MIDN: variants seen among roughly 807,000 people sequenced by gnomAD.
MIDN encodes the protein midnolin, also known as midbrain nucleolar protein.
In MIDN, 26 loss-of-function variants were observed where a neutral mutation model predicts 46.1. The ratio of observed to expected loss-of-function variants is 0.56; its 90% CI spans 0.41 to 0.78. The LOEUF (loss-of-function observed/expected upper bound fraction) is 0.78, where lower values mean the gene tolerates loss of function less well. Among genes scored for constraint, MIDN ranks in the 30% least tolerant of loss-of-function variants. MIDN has a pLI of 0.00. For synonymous variants in MIDN, 432 were observed against 343.3 expected (o/e 1.26, Z -2.86); for missense variants, 850 against 771.8 (o/e 1.10, Z -1.20).
intron 2 of MIDN, 88 bp from the exon 3 acceptor site, chr19:1,251,474 A>G (rs1461007150): frequency 1.6e-6 from 2 of 1,224,814 alleles, no homozygotes; most frequent in Non-Finnish European, 2.3e-6. Context: ...GTCTCTCCCC[A>G]CACAAGCACA....
At chr19:1,250,781 C>T (rs1201441747) in intron 2 of MIDN, among the ~76,000 whole-genome samples, 1 of 151,830 alleles carries the variant, frequency 6.6e-6, no homozygotes, top group Non-Finnish European at 1.5e-5. Flanking sequence ...GGGCAGGAAT[C>T]CCAGGGCGTT....
Position 1,250,147 on chromosome 19 carries a change from G to A in MIDN, c.-150G>A. 5.4e-6 allele frequency: 1 copy of A among 186,550 alleles called. No homozygotes were observed. Among genetic ancestry groups the A allele is most frequent in the Non-Finnish European group, 1.0e-5 (1 of 99,692 alleles). The allele number at this position is 186,550 out of a possible 1,614,324, so 11.6% of individuals were successfully genotyped here. A position where few individuals can be genotyped will look rare whatever the true frequency, so the allele number is the denominator to read the frequency against. On this transcript the variant is annotated 5_prime_UTR_variant, in exon 2 of 9. Transcript: ENST00000682408. ...TTTGGATTTCGGTCTCGCATTCCGC[G>A]GCCGGGACTTTCTCGAGGAGGACGC...
At position 1,257,517 on chromosome 19, in the gene MIDN, T is replaced by TTCCTCTTCCTCC. The variant is rs2081215240; in HGVS notation, c.*250_*251insTTCCTCCTCCTC. The stretch of plus-strand genomic sequence containing the variant: ...TTCACCCTTCACTCCTGCCCTCCTC[T>TTCCTCTTCCTCC]TCCTCCTCCTCCTCCTCCTCCGTCT... On this transcript the variant is annotated 3_prime_UTR_variant, in exon 9 of 9. Coordinates refer to ENST00000682408, the MANE Select transcript of MIDN (RefSeq NM_001388306.1). 5.0e-6 allele frequency: 2 copies of TTCCTCTTCCTCC among 401,872 alleles called. No individual in the cohort carries two copies. The highest frequency in any genetic ancestry group is 9.7e-5 in the East Asian group (2 of 20,668). The allele number at this position is 401,872 out of a possible 1,614,324, so 24.9% of individuals were successfully genotyped here.
intron 4 of MIDN, 69 bp from the exon 5 acceptor site, chr19:1,253,885 C>A (rs1488482063): frequency 4.6e-6 from 6 of 1,313,604 alleles, no homozygotes; most frequent in Non-Finnish European, 4.9e-6. Context: ...CCTCAGTTTC[C>A]CCTTGCAAGA....
At position 1,250,067 on chromosome 19, in the gene MIDN, C is replaced by T. The variant is rs1340822211; in HGVS notation, c.-230C>T. The T allele has an allele frequency of 6.6e-6, 1 of 151,910 alleles. No individual in the cohort carries two copies. The highest frequency in any genetic ancestry group is 2.4e-5 in the African/African-American group (1 of 41,350). 9.4% of individuals were successfully genotyped at this position (151,910 alleles called of 1,614,324 possible). A position where few individuals can be genotyped will look rare whatever the true frequency, so the allele number is the denominator to read the frequency against. ...TTTGAAGGAGAAGCAAGTGCCGTCC[C>T]CACCCCCGGAAGGCGCCCCCAGGAG... On this transcript the variant is annotated 5_prime_UTR_variant, in exon 2 of 9. Coordinates refer to ENST00000682408, the MANE Select transcript of MIDN (RefSeq NM_001388306.1).
chr19:1,250,372 G>T lies in MIDN; in HGVS notation c.76G>T (p.Ala26Ser). ...PGGACELGPA[A>S]EAAPMSLAIH... Reference sequence around the variant, plus strand: ...CGGCGCCTGCGAGCTGGGCCCGGCGGCCGAGGCGGCGCCCATGAGCCTCGC... The same window carrying T: ...CGGCGCCTGCGAGCTGGGCCCGGCGTCCGAGGCGGCGCCCATGAGCCTCGC... The change falls in exon 2 of 9, where the codon GCC (alanine) becomes TCC (serine). Residue 26 changes from alanine (A) to serine (S), a missense_variant. Transcript: ENST00000682408. 1 of 1,165,234 alleles carries T rather than the reference G, an allele frequency of 8.6e-7. No homozygotes were observed. Among genetic ancestry groups the T allele is most frequent in the Non-Finnish European group, 1.1e-6 (1 of 934,032 alleles). The allele number at this position is 1,165,234 out of a possible 1,614,324, so 72.2% of individuals were successfully genotyped here.
At chr19:1,249,240 A>G (rs1417402333) in intron 1 of MIDN, among the ~76,000 whole-genome samples, 2 of 147,484 alleles carry the variant, frequency 1.4e-5, no homozygotes, top group African/African-American at 2.5e-5. Flanking sequence ...CCACCCGGCC[A>G]CGTCACCGAG....
intron 2 of MIDN, 25 bp downstream of exon 2, chr19:1,250,554 GCCGCCCCCTCGGGCC>G: frequency 8.6e-7 from 1 of 1,158,886 alleles, no homozygotes; most frequent in Non-Finnish European, 1.1e-6. Flanking sequence ...CCCCCGGCCG[GCCGCCCCCTCGGGCC>G]CCGGCCCCCG....
chr19:1,251,862 G>A lies in MIDN; in HGVS notation c.345G>A (p.Gln115=), dbSNP rs377700904. 15 of 1,613,554 alleles carry A rather than the reference G, an allele frequency of 9.3e-6. No homozygotes were observed. The African/African-American group carries it at 1.9e-4, about 20-fold the overall frequency. ...GLMSQASRPE[Q]SVMQALESLT... ...AGTCTCAGGCCTCAAGGCCGGAACA[G>A]TCCGTGATGCAAGCTCTCGAGAGTC... Residue 115 remains glutamine (Q), a synonymous_variant, in exon 4 of 9, where the codon CAG becomes CAA. Transcript: ENST00000682408.
Position 1,258,230 on chromosome 19 carries a change from C to T in MIDN, c.*958C>T, listed in dbSNP as rs752049877. On this transcript the variant is annotated 3_prime_UTR_variant, in exon 9 of 9. Transcript: ENST00000682408. ...TGGCTGGGTGCTGGGGAGTTCCCCC[C>T]TCCGAGCCCTCCTTCCCGGCCCAAC... is the stretch of plus-strand genomic sequence containing the variant. The T allele has an allele frequency of 6.5e-6, 1 of 152,750 alleles. No homozygotes were observed. The highest frequency in any genetic ancestry group is 1.9e-4 in the East Asian group (1 of 5,194). The allele number at this position is 152,750 out of a possible 1,614,324, so 9.5% of individuals were successfully genotyped here.
In MIDN at chr19:1,250,276, G is replaced by C; in HGVS notation, c.-21G>C. The C allele has an allele frequency of 1.1e-6, 1 of 938,608 alleles. No individual in the cohort carries two copies. The highest frequency in any genetic ancestry group is 1.3e-6 in the Non-Finnish European group (1 of 788,158). The allele number at this position is 938,608 out of a possible 1,614,324, so 58.1% of individuals were successfully genotyped here. A position where few individuals can be genotyped will look rare whatever the true frequency, so the allele number is the denominator to read the frequency against. On this transcript the variant is annotated 5_prime_UTR_variant, in exon 2 of 9. Transcript: ENST00000682408. ...GGATTGGCGGCGCCCGCCGCCCCCA[G>C]CCCCCCAGCGCGCGCCGGGGATGGA...
intron 4 of MIDN, among the ~76,000 whole-genome samples, chr19:1,252,374 C>T (rs950214329): frequency 3.3e-5 from 5 of 152,044 alleles, no homozygotes; most frequent in Admixed American, 2.6e-4. Flanking sequence ...GGGATCTCGT[C>T]ACCCTCCCCT....
chr19:1,256,941 CTG>C (rs757676283), intron 8 of MIDN, 52 bp from the exon 9 acceptor site: 1,438 of 1,597,486 alleles, frequency 9.0e-4, no homozygotes, highest in Non-Finnish European at 1.1e-3. Context: ...GGGTGGTCCT[CTG>C]TGTTCAGCAG....
intron 2 of MIDN, chr19:1,251,196 G>A (rs900617180): frequency 1.0e-4 from 21 of 203,794 alleles, no homozygotes; most frequent in Admixed American, 8.0e-4. Context: ...CCTACAAAGA[G>A]GAGCCAGGAC....
Position 1,251,564 on chromosome 19 carries a change from G to A in MIDN, c.236G>A (p.Arg79Gln), listed in dbSNP as rs2081128757. The change falls in exon 3 of 9, where the codon CGG (arginine) becomes CAG (glutamine). Residue 79 changes from arginine to glutamine, a missense_variant and splice_region_variant. Transcript: ENST00000682408. ...ERLALLHKDTRLSSGKLQEFG... is the reference protein window; with the variant it reads ...ERLALLHKDTQLSSGKLQEFG... ...ATGCTCTTCCTTCCTCCCCCCAGCCGGCTCAGTTCGGGGAAGCTGCAGGAG... is the reference window on the plus strand; with the variant it reads ...ATGCTCTTCCTTCCTCCCCCCAGCCAGCTCAGTTCGGGGAAGCTGCAGGAG... The A allele has an allele frequency of 1.2e-6, 2 of 1,606,828 alleles. No homozygotes were observed. The highest frequency in any genetic ancestry group is 1.7e-6 in the Non-Finnish European group (2 of 1,177,692).
intron 6 of MIDN, 27 bp from the exon 7 acceptor site, chr19:1,254,875 T>C (rs144068585): frequency 1.9e-6 from 3 of 1,583,852 alleles, no homozygotes; most frequent in Non-Finnish European, 2.6e-6. Flanking sequence ...CTGGACCCCG[T>C]GCTCATGTGC....
chr19:1,254,845 T>G, intron 6 of MIDN, 57 bp from the exon 7 acceptor site: 1 of 1,540,266 alleles, frequency 6.5e-7, no homozygotes, highest in Non-Finnish European at 8.8e-7. Context: ...GGTCCCTGGG[T>G]TGCTGGTGAT....
At position 1,259,088 on chromosome 19, in the gene MIDN, A is replaced by AG. The variant is rs961894715; in HGVS notation, c.*1816_*1817insG. On this transcript the variant is annotated 3_prime_UTR_variant, in exon 9 of 9. Transcript: ENST00000682408. Reference sequence around the variant, plus strand: ...TATGAAAACATAAAATTGAAAAAAAAAAAAAAACCTACACGAGCACCGTGA... The same window carrying AG: ...TATGAAAACATAAAATTGAAAAAAAAGAAAAAAACCTACACGAGCACCGTGA... 6.6e-6 allele frequency: 1 copy of AG among 151,750 alleles called. No individual in the cohort carries two copies. The highest frequency in any genetic ancestry group is 1.5e-5 in the Non-Finnish European group (1 of 67,944). 9.4% of individuals were successfully genotyped at this position (151,750 alleles called of 1,614,324 possible).
At position 1,258,170 on chromosome 19, in the gene MIDN, TAGTG is replaced by T. The variant is rs764262821; in HGVS notation, c.*899_*902del. The T allele has an allele frequency of 1.3e-5, 2 of 152,696 alleles. No individual in the cohort carries two copies. The highest frequency in any genetic ancestry group is 2.9e-5 in the Non-Finnish European group (2 of 68,036). The allele number at this position is 152,696 out of a possible 1,614,324, so 9.5% of individuals were successfully genotyped here. ...ACTATTAATTTTCTGACTGAGCCAA[TAGTG>T]GTTGGGGAACTCTTGAAAAAGGGGA... is the stretch of plus-strand genomic sequence containing the variant. On this transcript the variant is annotated 3_prime_UTR_variant, in exon 9 of 9. Coordinates refer to ENST00000682408, the MANE Select transcript of MIDN (RefSeq NM_001388306.1).
Sources: allele counts gnomAD v4.1 joint callset (sites outside exome capture counted in the v4.1 genomes callset), GRCh38; gene constraint gnomAD v4.1.1; transcripts MANE v1.5; gene names NCBI Gene and HGNC (gene_info 2026-07-23, HGNC 2026-07-21).